DLG2: variants seen among roughly 807,000 people sequenced by gnomAD.
The protein encoded by DLG2 is discs large MAGUK scaffold protein 2.
A neutral mutation model predicts 132.5 loss-of-function variants in DLG2; 45 were observed. That is an observed-to-expected ratio of 0.34 (90% CI 0.27 to 0.44). The LOEUF (loss-of-function observed/expected upper bound fraction) is 0.44, where lower values mean the gene tolerates loss of function less well. Ranked by LOEUF, DLG2 falls within the 20% of genes least tolerant of loss-of-function variation. The pLI, the probability that DLG2 is intolerant of heterozygous loss-of-function variation, is 1.00. For missense variants in DLG2, 1,045 were observed against 1,196.9 expected, an observed-to-expected ratio of 0.87 and a Z score of 1.87; for synonymous variants, 424 against 419.6, an observed-to-expected ratio of 1.01 and a Z score of -0.13.
intron 7 of DLG2, among the ~76,000 whole-genome samples, chr11:84,364,717 T>A (rs569251167): frequency 1.3e-5 from 2 of 152,122 alleles, no homozygotes; most frequent in African/African-American, 4.8e-5. Context: ...GTTTTTAGCA[T>A]GAAGCGTTGT....
chr11:84,549,777 G>A (rs1012162405), intron 6 of DLG2, among the ~76,000 whole-genome samples: 4 of 151,856 alleles, frequency 2.6e-5, no homozygotes, highest in Non-Finnish European at 5.9e-5. Context: ...TTTTTGAGAT[G>A]GAGTCTCGCT....
chr11:83,576,213 C>CAACTAACCA (rs373024840), intron 19 of DLG2, among the ~76,000 whole-genome samples: 15 of 151,936 alleles, frequency 9.9e-5, no homozygotes, highest in African/African-American at 3.4e-4. Flanking sequence ...AGTTACTAAC[C>CAACTAACCA]AACTAACCAA....
intron 7 of DLG2, among the ~76,000 whole-genome samples, chr11:84,412,493 C>A (rs1364556885): frequency 1.3e-5 from 2 of 152,200 alleles, no homozygotes; most frequent in Non-Finnish European, 2.9e-5. Flanking sequence ...TAATATTAAT[C>A]TCCACTTTAG....
intron 15 of DLG2, among the ~76,000 whole-genome samples, chr11:83,883,973 C>T (rs1204515120): frequency 5.3e-5 from 8 of 152,228 alleles, no homozygotes; most frequent in Non-Finnish European, 1.0e-4. Context: ...CCAAGATGGC[C>T]GAATAGGAAC....
At chr11:85,138,876 T>C (rs1346859611) in intron 5 of DLG2, among the ~76,000 whole-genome samples, 1 of 152,134 alleles carries the variant, frequency 6.6e-6, no homozygotes, top group Non-Finnish European at 1.5e-5. Flanking sequence ...ATAAGCAGCC[T>C]GAAAACGAAC....
chr11:84,962,848 A>G (rs1293704181), intron 6 of DLG2, among the ~76,000 whole-genome samples: 1 of 152,248 alleles, frequency 6.6e-6, no homozygotes, highest in African/African-American at 2.4e-5. Context: ...AAAGCTAAGT[A>G]TTCTGGCAGC....
chr11:84,317,899 C>T (rs1202464265), intron 7 of DLG2, among the ~76,000 whole-genome samples: 1 of 152,184 alleles, frequency 6.6e-6, no homozygotes, highest in Middle Eastern at 3.2e-3. Context: ...TTAGTCCAAA[C>T]ATATATTCTT....
intron 7 of DLG2, among the ~76,000 whole-genome samples, chr11:84,371,847 T>C (rs975152395): frequency 6.6e-6 from 1 of 152,162 alleles, no homozygotes; most frequent in Non-Finnish European, 1.5e-5. Context: ...GAAGATTTAT[T>C]TCATTTCCTC....
chr11:84,277,379 C>T (rs922333787), intron 7 of DLG2, among the ~76,000 whole-genome samples: 1 of 152,110 alleles, frequency 6.6e-6, no homozygotes, highest in African/African-American at 2.4e-5. Flanking sequence ...GAAATATAAT[C>T]TCTGGCTATA....
intron 17 of DLG2, among the ~76,000 whole-genome samples, chr11:83,818,836 G>T (rs974592656): frequency 3.3e-5 from 5 of 152,104 alleles, no homozygotes; most frequent in Non-Finnish European, 7.4e-5. Context: ...CATTAGAGAA[G>T]AAAAGTCAGG....
intron 3 of DLG2, among the ~76,000 whole-genome samples, chr11:85,499,617 C>G (rs1215950636): frequency 6.6e-6 from 1 of 152,138 alleles, no homozygotes; most frequent in Non-Finnish European, 1.5e-5. Flanking sequence ...CATCCTGATA[C>G]CAAAGCCTGG....
chr11:85,506,670 G>C (rs1037578665), intron 3 of DLG2, among the ~76,000 whole-genome samples: 20 of 152,190 alleles, frequency 1.3e-4, no homozygotes, highest in African/African-American at 4.8e-4. Flanking sequence ...GTGCAATGTG[G>C]TGCTGAGAAG....
intron 16 of DLG2, among the ~76,000 whole-genome samples, chr11:83,866,628 C>A (rs576153303): frequency 6.6e-6 from 1 of 152,226 alleles, no homozygotes; most frequent in Admixed American, 6.5e-5. Flanking sequence ...AGTTTATTCA[C>A]AATTACATTG....
chr11:83,602,651 CA>C (rs543825199), intron 19 of DLG2, among the ~76,000 whole-genome samples: 208 of 152,248 alleles, frequency 1.4e-3, no homozygotes, highest in African/African-American at 4.7e-3. Context: ...TAGAACTGGA[CA>C]AAATTTTTTT....
At chr11:84,293,822 T>C (rs571192652) in intron 7 of DLG2, among the ~76,000 whole-genome samples, 1 of 152,320 alleles carries the variant, frequency 6.6e-6, no homozygotes, top group East Asian at 1.9e-4. Context: ...CTAGAACTCA[T>C]CACAAATACT....
intron 18 of DLG2, chr11:83,725,033 G>T (rs2089719420): frequency 3.2e-6 from 2 of 625,560 alleles, no homozygotes; most frequent in Non-Finnish European, 5.8e-6. Flanking sequence ...AGCAGGTAGG[G>T]CTACCTTCCC....
intron 6 of DLG2, among the ~76,000 whole-genome samples, chr11:84,900,627 C>T (rs1213293592): frequency 6.6e-6 from 1 of 151,932 alleles, no homozygotes; most frequent in East Asian, 1.9e-4. Context: ...CAGAGTACTA[C>T]ATTTGGTGGT....
At chr11:83,496,218 C>T (rs2094142028) in intron 21 of DLG2, among the ~76,000 whole-genome samples, 1 of 150,432 alleles carries the variant, frequency 6.6e-6, no homozygotes, top group South Asian at 2.1e-4. Flanking sequence ...GATCAGAAAG[C>T]ATATGAAAAA....
chr11:85,501,697 T>C (rs914601773), intron 3 of DLG2, among the ~76,000 whole-genome samples: 13 of 152,114 alleles, frequency 8.5e-5, no homozygotes, highest in Non-Finnish European at 1.5e-4. Context: ...ATTAGAGAAA[T>C]GCAAATCAAA....
Sources: allele counts gnomAD v4.1 joint callset (sites outside exome capture counted in the v4.1 genomes callset), GRCh38; gene constraint gnomAD v4.1.1; transcripts MANE v1.5; gene names NCBI Gene and HGNC (gene_info 2026-07-23, HGNC 2026-07-21).